Variants in TMBIM6 observed in about 807,000 individuals in gnomAD.
TMBIM6 encodes the protein bax inhibitor 1.
TMBIM6 carries 13 observed loss-of-function variants against 31.4 expected under a neutral mutation model. That is an observed-to-expected ratio of 0.41 (90% CI 0.27 to 0.66). The LOEUF (loss-of-function observed/expected upper bound fraction) is 0.66, where lower values mean the gene tolerates loss of function less well. TMBIM6 is among the 30% of genes least tolerant of loss of function. The pLI is 0.28. For synonymous variants in TMBIM6, 85 were observed against 101.7 expected, an observed-to-expected ratio of 0.84 and a Z score of 0.99; for missense variants, 275 against 289.5, an observed-to-expected ratio of 0.95 and a Z score of 0.36.
At chr12:49,747,516 C>T (rs763978671) in intron 1 of TMBIM6, among the ~76,000 whole-genome samples, 1 of 152,038 alleles carries the variant, frequency 6.6e-6, no homozygotes, top group African/African-American at 2.4e-5. Context: ...GCTGTGTTGC[C>T]CAGGTTGGTC....
chr12:49,742,058 C>T, intron 1 of TMBIM6: 2 of 1,544,448 alleles, frequency 1.3e-6, no homozygotes, highest in Non-Finnish European at 1.7e-6. Flanking sequence ...TGTTCGGCTG[C>T]GGGCGGGTCC....
At position 49,759,303 on chromosome 12, in the gene TMBIM6, G is replaced by A; in HGVS notation, c.596G>A (p.Gly199Glu). 1 of 1,614,000 alleles carries A rather than the reference G, an allele frequency of 6.2e-7. No individual in the cohort carries two copies. The highest frequency in any genetic ancestry group is 8.5e-7 in the Non-Finnish European group (1 of 1,179,894). ...TQLIIEKAEHGDQDYIWHCID... is the reference protein window; with the variant it reads ...TQLIIEKAEHEDQDYIWHCID... ...CTCATTATTGAAAAGGCCGAACATGGAGATCAAGATTATATCTGGTGAGTG... is the reference window on the plus strand; with the variant it reads ...CTCATTATTGAAAAGGCCGAACATGAAGATCAAGATTATATCTGGTGAGTG... The change falls in exon 8 of 10, where the codon GGA (glycine) becomes GAA (glutamate). Residue 199 changes from glycine (G) to glutamate (E), a missense_variant. Gly to Glu is a moderately conservative substitution (Grantham distance 98). Transcript: ENST00000267115.
At chr12:49,757,457 ATTGTGCAGGACAC>A (rs1945626192) in intron 4 of TMBIM6, among the ~76,000 whole-genome samples, 1 of 152,212 alleles carries the variant, frequency 6.6e-6, no homozygotes, top group South Asian at 2.1e-4. Context: ...ATTGAGATCT[ATTGTGCAGGACAC>A]TTTGCTGATT....
At chr12:49,755,907 C>A in intron 4 of TMBIM6, 152 bp downstream of exon 4, 1 of 882,308 alleles carries the variant, frequency 1.1e-6, no homozygotes, top group Non-Finnish European at 1.7e-6. Flanking sequence ...GATCTTGGCT[C>A]ACTGCAAGCT....
chr12:49,758,611 G>A (rs1945652824), intron 6 of TMBIM6, 72 bp from the exon 7 acceptor site: 1 of 1,577,552 alleles, frequency 6.3e-7, no homozygotes, highest in Non-Finnish European at 8.7e-7. Flanking sequence ...GGGAAGTTAA[G>A]GAATGGCTTT....
In TMBIM6 at chr12:49,761,865, A is replaced by T. The variant is rs946948390; in HGVS notation, c.690+86A>T. On this transcript the variant is annotated intron_variant, in intron 9 of 9. Coordinates refer to ENST00000267115, the MANE Select transcript of TMBIM6 (RefSeq NM_003217.3). ...ATACTTCAGATTTGAAAACTTGCTCACACACTGTGTTAGGTCCAGGGTAAC... is the reference window on the plus strand; with the variant it reads ...ATACTTCAGATTTGAAAACTTGCTCTCACACTGTGTTAGGTCCAGGGTAAC... 1.1e-5 allele frequency: 15 copies of T among 1,337,514 alleles called. No homozygotes were observed. In the Admixed American group the frequency reaches 2.5e-4, roughly 22 times the overall value. The allele number at this position is 1,337,514 out of a possible 1,614,324, so 82.9% of individuals were successfully genotyped here.
At chr12:49,744,909 GTTAT>G (rs565315314) in intron 1 of TMBIM6, among the ~76,000 whole-genome samples, 5 of 152,154 alleles carry the variant, frequency 3.3e-5, no homozygotes, top group Non-Finnish European at 7.3e-5. Context: ...TCTGTCAAAC[GTTAT>G]AGAGAGGGAG....
intron 7 of TMBIM6, 36 bp downstream of exon 7, chr12:49,758,798 G>A (rs1442877360): frequency 1.3e-6 from 2 of 1,531,952 alleles, no homozygotes; most frequent in African/African-American, 1.4e-5. Flanking sequence ...GCAGCCATTT[G>A]CCTCACACTT....
intron 1 of TMBIM6, chr12:49,741,834 GA>G: frequency 2.5e-6 from 1 of 401,468 alleles, no homozygotes; most frequent in African/African-American, 2.1e-5. Context: ...GGGTGGGGCG[GA>G]GGCGAGTCTG....
At chr12:49,759,448 C>T (rs1461380781) in intron 8 of TMBIM6, 127 bp downstream of exon 8, 7 of 727,574 alleles carry the variant, frequency 9.6e-6, no homozygotes, top group South Asian at 3.3e-5. Context: ...AGGAAACCCA[C>T]GGTTTTGGAA....
chr12:49,759,805 CAA>C (rs57668484), intron 8 of TMBIM6, among the ~76,000 whole-genome samples: 37 of 91,614 alleles, frequency 4.0e-4, no homozygotes, highest in Admixed American at 6.5e-4. Flanking sequence ...GACCCTGTCT[CAA>C]AAAAAAAAAA....
intron 1 of TMBIM6, among the ~76,000 whole-genome samples, chr12:49,745,293 G>T (rs528917202): frequency 6.6e-6 from 1 of 152,172 alleles, no homozygotes; most frequent in South Asian, 2.1e-4. Context: ...GGCCCTGTGG[G>T]ACAAGAGAGA....
chr12:49,747,897 T>C (rs1303641893), intron 1 of TMBIM6, among the ~76,000 whole-genome samples: 1 of 151,446 alleles, frequency 6.6e-6, no homozygotes. Context: ...AATGGTTGTG[T>C]TTTTTTTAAT....
intron 1 of TMBIM6, chr12:49,742,391 G>C: frequency 7.3e-7 from 1 of 1,372,808 alleles, no homozygotes; most frequent in Non-Finnish European, 9.8e-7. Context: ...TGCTGGACCT[G>C]TGGTAACAAG....
rs1271491981 is a variant in TMBIM6 at position 49,752,559 on chromosome 12, T to C, written c.56+10T>C. 6.2e-6 allele frequency: 10 copies of C among 1,604,362 alleles called. No homozygotes were observed. Among genetic ancestry groups the C allele is most frequent in the Non-Finnish European group, 8.5e-6 (10 of 1,171,950 alleles). On this transcript the variant is annotated intron_variant, in intron 2 of 9. Transcript: ENST00000267115. ...TAAAATTTTCTCATATGTAAGTGTT[T>C]TGACCTTGACTGGTTTTGTACTGCA...
chr12:49,750,264 CTCTT>C (rs752177845), intron 1 of TMBIM6, among the ~76,000 whole-genome samples: 6 of 152,192 alleles, frequency 3.9e-5, no homozygotes, highest in Admixed American at 1.3e-4. Flanking sequence ...TGAGCATTGC[CTCTT>C]TCTTAGAATC....
chr12:49,749,303 T>C (rs1248334128), intron 1 of TMBIM6, among the ~76,000 whole-genome samples: 10 of 152,202 alleles, frequency 6.6e-5, no homozygotes, highest in Admixed American at 6.5e-4. Flanking sequence ...TCTGAAATTG[T>C]CATCTGTACA....
chr12:49,763,244 G>C lies in TMBIM6; in HGVS notation c.*348G>C. 4.5e-6 allele frequency: 1 copy of C among 219,924 alleles called. No homozygotes were observed. Among genetic ancestry groups the C allele is most frequent in the East Asian group, 8.7e-5 (1 of 11,440 alleles). 13.6% of individuals were successfully genotyped at this position (219,924 alleles called of 1,614,324 possible). ...CCCACCAGGCTTCATTCACCCAGTG[G>C]ACCTGAACTGTTTGGTAGAGCCACC... On this transcript the variant is annotated 3_prime_UTR_variant, in exon 10 of 10. Coordinates refer to ENST00000267115, the MANE Select transcript of TMBIM6 (RefSeq NM_003217.3).
chr12:49,757,486 A>C (rs1945626795), intron 4 of TMBIM6, among the ~76,000 whole-genome samples: 1 of 152,222 alleles, frequency 6.6e-6, no homozygotes, highest in Admixed American at 6.5e-5. Context: ...TGATTCTCAA[A>C]AAAAGAAAGG....
Sources: allele counts gnomAD v4.1 joint callset (sites outside exome capture counted in the v4.1 genomes callset), GRCh38; gene constraint gnomAD v4.1.1; transcripts MANE v1.5; gene names NCBI Gene and HGNC (gene_info 2026-07-23, HGNC 2026-07-21).